The following MAPK8IP2 variants were observed in gnomAD, a reference collection of about 807,000 sequenced individuals.
MAPK8IP2 encodes the protein C-Jun-amino-terminal kinase-interacting protein 2.
A neutral mutation model predicts 75.6 loss-of-function variants in MAPK8IP2; 15 were observed. The observed-to-expected ratio is 0.20, with a 90% CI of 0.13 to 0.31. The LOEUF is 0.31. MAPK8IP2 is among the 10% of genes least tolerant of loss of function. The pLI, the probability that MAPK8IP2 is intolerant of heterozygous loss-of-function variation, is 1.00. For synonymous variants in MAPK8IP2, 632 were observed against 554.5 expected (o/e 1.14, Z -1.96); for missense variants, 1,089 against 1,211.2 (o/e 0.90, Z 1.50).
chr22:50,605,943 G>T lies in MAPK8IP2; in HGVS notation c.2124+9G>T. On this transcript the variant is annotated intron_variant, in intron 8 of 11. Transcript: ENST00000329492. ...GTGCAGCCATGCAGAAGGTCAGTGTGGAGGCCGGGCAAGTGCAGGCTGAGG... is the reference window on the plus strand; with the variant it reads ...GTGCAGCCATGCAGAAGGTCAGTGTTGAGGCCGGGCAAGTGCAGGCTGAGG... 1.3e-6 allele frequency: 2 copies of T among 1,557,936 alleles called. No individual in the cohort carries two copies. Among genetic ancestry groups the T allele is most frequent in the Non-Finnish European group, 1.7e-6 (2 of 1,154,278 alleles).
Position 50,605,675 on chromosome 22 carries a change from G to A in MAPK8IP2, c.1955G>A (p.Arg652His), listed in dbSNP as rs772425464. Residue 652 changes from arginine to histidine, a missense_variant, in exon 7 of 12, where the codon CGC (arginine) becomes CAC (histidine). Arg to His is a conservative substitution (Grantham distance 29, BLOSUM62 0). Transcript: ENST00000329492. ...FRGFNMRTGE[R>H]GVFPAFYAHA... ...GGCTTCAACATGCGCACGGGGGAGC[G>A]CGGTGTGTTTCCTGCCTTCTACGCC... The A allele has an allele frequency of 7.4e-6, 12 of 1,612,544 alleles. No homozygotes were observed. The highest frequency in any genetic ancestry group is 3.3e-5 in the Admixed American group (2 of 59,930).
At chr22:50,606,595 A>T in intron 8 of MAPK8IP2, 63 bp from the exon 9 acceptor site, 3 of 1,153,270 alleles carry the variant, frequency 2.6e-6, no homozygotes, top group East Asian at 5.1e-5. Context: ...TAGTCCCACC[A>T]AGGGGAAAGA....
rs1004651528 is a variant in MAPK8IP2, at chr22:50,601,719, C to T, written c.66-70C>T. ...GTAGGAGCTGACGCCTCCCTCTGCC[C>T]CTCCTCAGGGCCAGTTGCCAGGCAG... On this transcript the variant is annotated intron_variant, in intron 1 of 11. Coordinates refer to ENST00000329492, the MANE Select transcript of MAPK8IP2 (RefSeq NM_012324.6). 3.3e-6 allele frequency: 4 copies of T among 1,204,450 alleles called. No individual in the cohort carries two copies. The South Asian group carries it at 4.9e-5, about 15-fold the overall frequency. 74.6% of individuals were successfully genotyped at this position (1,204,450 alleles called of 1,614,324 possible). A position where few individuals can be genotyped will look rare whatever the true frequency, so the allele number is the denominator to read the frequency against.
At chr22:50,609,716 A>T in intron 10 of MAPK8IP2, 1 of 507,526 alleles carries the variant, frequency 2.0e-6, no homozygotes, top group Non-Finnish European at 3.9e-6. Context: ...TCCATGAGCG[A>T]GGCCCCGCAA....
chr22:50,612,815 C>A lies in MAPK8IP2; in HGVS notation c.*2036C>A. 6.6e-6 allele frequency: 1 copy of A among 152,604 alleles called. No homozygotes were observed. Among genetic ancestry groups the A allele is most frequent in the South Asian group, 1.9e-4 (1 of 5,228 alleles). 9.5% of individuals were successfully genotyped at this position (152,604 alleles called of 1,614,324 possible). Reference sequence around the variant, plus strand: ...CACCCACCCACCTCCTCCCTCTGCTCTTCCACTCAGGTGAGAATTCTCCAA... The same window carrying A: ...CACCCACCCACCTCCTCCCTCTGCTATTCCACTCAGGTGAGAATTCTCCAA... On this transcript the variant is annotated 3_prime_UTR_variant, in exon 12 of 12. Coordinates refer to ENST00000329492, the MANE Select transcript of MAPK8IP2 (RefSeq NM_012324.6).
chr22:50,604,172 G>C lies in MAPK8IP2; in HGVS notation c.873G>C (p.Ser291=). ...GAAGCAGCAGCAGCGGCCGCTCCTC[G>C]CACCTCACCAACTCCATCGAGGAGG... ...DGGSSSSGRS[S]HLTNSIEEAS... Residue 291 remains serine (S), a synonymous_variant, in exon 5 of 12, where the codon TCG becomes TCC. Coordinates refer to ENST00000329492, the MANE Select transcript of MAPK8IP2 (RefSeq NM_012324.6). 1 of 1,549,358 alleles carries C rather than the reference G, an allele frequency of 6.5e-7. No homozygotes were observed. The highest frequency in any genetic ancestry group is 2.4e-5 in the East Asian group (1 of 41,688).
Position 50,607,090 on chromosome 22 carries a change from C to T in MAPK8IP2, c.2303+99C>T, listed in dbSNP as rs2071066137. ...CCACAGACCCTGAGGGCTGCCCGTG[C>T]CCAGCCCTGAGAGCTCCACCTGCAC... On this transcript the variant is annotated intron_variant, in intron 10 of 11. Transcript: ENST00000329492. The surrounding 1 kb of genome is among the most constrained non-coding windows in gnomAD (Gnocchi z 5.6). 1 of 954,752 alleles carries T rather than the reference C, an allele frequency of 1.0e-6. No homozygotes were observed. Among genetic ancestry groups the T allele is most frequent in the Non-Finnish European group, 1.7e-6 (1 of 596,642 alleles). The allele number at this position is 954,752 out of a possible 1,614,324, so 59.1% of individuals were successfully genotyped here. A position where few individuals can be genotyped will look rare whatever the true frequency, so the allele number is the denominator to read the frequency against.
Position 50,607,649 on chromosome 22 carries a change from C to T in MAPK8IP2, c.2303+658C>T, listed in dbSNP as rs1027335441. On this transcript the variant is annotated intron_variant, in intron 10 of 11. Transcript: ENST00000329492. This position sits in a 1 kb window ranked among gnomAD's most constrained non-coding sequence, Gnocchi z 5.6. ...TAGGTTGACCGGCTGTAGAGGGTGA[C>T]CTGGAAGAGACCAGGGTGACGTCTC... is the stretch of plus-strand genomic sequence containing the variant. Among the ~76,000 whole-genome samples, 4 of 151,702 alleles carry T rather than the reference C, an allele frequency of 2.6e-5. No homozygotes were observed. The highest frequency in any genetic ancestry group is 9.7e-5 in the African/African-American group (4 of 41,262).
chr22:50,602,330 C>G (rs573214423), intron 2 of MAPK8IP2, among the ~76,000 whole-genome samples: 5 of 152,268 alleles, frequency 3.3e-5, no homozygotes, highest in Admixed American at 6.5e-5. Context: ...TGCTTCTCCT[C>G]CTCCCTGTCT....
Position 50,612,187 on chromosome 22 carries a change from AAAAC to A in MAPK8IP2, c.*1411_*1414del, listed in dbSNP as rs2071161134. The A allele has an allele frequency of 1.3e-5, 2 of 152,226 alleles. No individual in the cohort carries two copies. Among genetic ancestry groups the A allele is most frequent in the African/African-American group, 4.8e-5 (2 of 41,448 alleles). 9.4% of individuals were successfully genotyped at this position (152,226 alleles called of 1,614,324 possible). A position where few individuals can be genotyped will look rare whatever the true frequency, so the allele number is the denominator to read the frequency against. ...ACTCCGTCTCAGAAAAAGGAAAAGA[AAAAC>A]AATCTACTTAGATCTTAAAATGGAT... is the stretch of plus-strand genomic sequence containing the variant. On this transcript the variant is annotated 3_prime_UTR_variant, in exon 12 of 12. Coordinates refer to ENST00000329492, the MANE Select transcript of MAPK8IP2 (RefSeq NM_012324.6).
Position 50,610,895 on chromosome 22 carries a change from C to T in MAPK8IP2, c.*116C>T, listed in dbSNP as rs1487621596. 14 of 881,772 alleles carry T rather than the reference C, an allele frequency of 1.6e-5. No homozygotes were observed. The highest frequency in any genetic ancestry group is 4.5e-4 in the Middle Eastern group (2 of 4,466). The allele number at this position is 881,772 out of a possible 1,614,324, so 54.6% of individuals were successfully genotyped here. A position where few individuals can be genotyped will look rare whatever the true frequency, so the allele number is the denominator to read the frequency against. On this transcript the variant is annotated 3_prime_UTR_variant, in exon 12 of 12. Transcript: ENST00000329492. This position sits in a 1 kb window ranked among gnomAD's most constrained non-coding sequence, Gnocchi z 4.3. ...TGGATTGGGGGGACATGGGACCTTACGCTTGTGGGGGTCTGCGGGCTGGGA... is the reference window on the plus strand; with the variant it reads ...TGGATTGGGGGGACATGGGACCTTATGCTTGTGGGGGTCTGCGGGCTGGGA...
rs935438905 is a variant in MAPK8IP2 at position 50,603,414 on chromosome 22, C to A, written c.363C>A (p.Pro121=). The change falls in exon 3 of 12, where the codon CCC becomes CCA. Residue 121 remains proline (P), a synonymous_variant. Coordinates refer to ENST00000329492, the MANE Select transcript of MAPK8IP2 (RefSeq NM_012324.6). ...GGDPGSEAPA[P]GPLIPSPSVE... ...ACCCTGGCTCAGAGGCACCTGCCCC[C>A]GGGCCCCTTATCCCCTCCCCTTCCG... is the stretch of plus-strand genomic sequence containing the variant. 1.2e-5 allele frequency: 18 copies of A among 1,562,360 alleles called. No homozygotes were observed. The highest frequency in any genetic ancestry group is 1.6e-5 in the Non-Finnish European group (18 of 1,153,590).
chr22:50,605,793 C>T, intron 7 of MAPK8IP2, 32 bp from the exon 8 acceptor site: 1 of 1,595,124 alleles, frequency 6.3e-7, no homozygotes, highest in Non-Finnish European at 8.5e-7. Context: ...GTGCCCCTGC[C>T]TGACCTGGGC....
At position 50,604,841 on chromosome 22, in the gene MAPK8IP2, G is replaced by C. The variant is rs1187003333; in HGVS notation, c.1542G>C (p.Val514=). The C allele has an allele frequency of 1.9e-6, 3 of 1,583,932 alleles. No homozygotes were observed. Among genetic ancestry groups the C allele is most frequent in the Non-Finnish European group, 2.6e-6 (3 of 1,167,136 alleles). ...LVYDAVKYTL[V]VDEHTQLELV... Reference sequence around the variant, plus strand: ...ACGACGCGGTCAAGTACACGCTGGTGGTGGATGAGCACACGCAGCTGGAGC... The same window carrying C: ...ACGACGCGGTCAAGTACACGCTGGTCGTGGATGAGCACACGCAGCTGGAGC... Residue 514 remains valine, a synonymous_variant, in exon 5 of 12, where the codon GTG becomes GTC. Coordinates refer to ENST00000329492, the MANE Select transcript of MAPK8IP2 (RefSeq NM_012324.6).
In MAPK8IP2 at chr22:50,605,607, C is replaced by T. The variant is rs929674420; in HGVS notation, c.1887C>T (p.Asp629=). Residue 629 remains aspartate, a synonymous_variant, in exon 7 of 12, where the codon GAC becomes GAT. Transcript: ENST00000329492. ...ACGAGCTGGAGCTGGATGTGGATGA[C>T]CCTGTGTTGGTGGAGGCCGAGGAGG... ...HPDELELDVD[D]PVLVEAEEDD... 5 of 1,606,686 alleles carry T rather than the reference C, an allele frequency of 3.1e-6. No individual in the cohort carries two copies. The highest frequency in any genetic ancestry group is 1.3e-5 in the African/African-American group (1 of 74,810).
chr22:50,605,081 G>A lies in MAPK8IP2; in HGVS notation c.1765+17G>A. 6.2e-7 allele frequency: 1 copy of A among 1,612,068 alleles called. No individual in the cohort carries two copies. Among genetic ancestry groups the A allele is most frequent in the Non-Finnish European group, 8.5e-7 (1 of 1,179,692 alleles). ...GGTCCTCCAGTGAGTGAGAGGTGGG[G>A]AAAAGGGGGGTGGCCCAGAGGAAGG... On this transcript the variant is annotated intron_variant, in intron 5 of 11. Coordinates refer to ENST00000329492, the MANE Select transcript of MAPK8IP2 (RefSeq NM_012324.6).
At chr22:50,608,713 C>T (rs2071092876) in intron 10 of MAPK8IP2, among the ~76,000 whole-genome samples, 1 of 131,418 alleles carries the variant, frequency 7.6e-6, no homozygotes, top group Non-Finnish European at 1.6e-5. Context: ...AGAGGTGGGA[C>T]AGTGGGCACG....
rs1370566638 is a variant in MAPK8IP2, at chr22:50,603,331, G to A, written c.280G>A (p.Asp94Asn). Residue 94 changes from aspartate (D) to asparagine (N), a missense_variant, in exon 3 of 12, where the codon GAC becomes AAC. Physicochemically the swap from Asp to Asn is conservative, Grantham distance 23 (BLOSUM62 1). Coordinates refer to ENST00000329492, the MANE Select transcript of MAPK8IP2 (RefSeq NM_012324.6). ...IDDNEEEDDE[D>N]EEEEEEEEEG... ...TGACAATGAAGAGGAGGACGATGAG[G>A]ACGAGGAAGAGGAGGAGGAGGAGGA... 1.9e-6 allele frequency: 3 copies of A among 1,558,978 alleles called. No individual in the cohort carries two copies. The highest frequency in any genetic ancestry group is 2.4e-5 in the East Asian group (1 of 42,026).
At position 50,604,916 on chromosome 22, in the gene MAPK8IP2, C is replaced by T. The variant is rs776574134; in HGVS notation, c.1617C>T (p.Asp539=). 4.3e-6 allele frequency: 7 copies of T among 1,610,038 alleles called. No individual in the cohort carries two copies. The South Asian group carries it at 4.4e-5, about 10-fold the overall frequency. Residue 539 remains aspartate, a synonymous_variant, in exon 5 of 12, where the codon GAC becomes GAT. Coordinates refer to ENST00000329492, the MANE Select transcript of MAPK8IP2 (RefSeq NM_012324.6). ...CAGLGHDSEE[D]SGGEASEEEA... is the part of the protein sequence containing the mutation. ...GGCTGGGCCACGACAGCGAAGAGGACAGCGGCGGGGAGGCCAGCGAGGAGG... is the reference window on the plus strand; with the variant it reads ...GGCTGGGCCACGACAGCGAAGAGGATAGCGGCGGGGAGGCCAGCGAGGAGG...
Sources: gnomAD v4.1 joint callset for allele counts (sites outside exome capture counted in the v4.1 genomes callset) on GRCh38, gnomAD v4.1.1 for gene constraint, Gnocchi (gnomAD v3.1) non-coding constraint, MANE v1.5 for transcripts, NCBI Gene and HGNC (gene_info 2026-07-23, HGNC 2026-07-21) for gene names.